The following TBC1D2B variants were observed in gnomAD, a reference collection of about 807,000 sequenced individuals.
TBC1D2B encodes TBC1 domain family member 2B, also known as TBC1 domain family, member 2B.
In TBC1D2B, 64 loss-of-function variants were observed where a neutral mutation model predicts 100.8. That is an observed-to-expected ratio of 0.64 (90% CI 0.52 to 0.78). The LOEUF is 0.78. Among genes scored for constraint, TBC1D2B ranks in the 30% least tolerant of loss-of-function variants. The pLI is 0.00. For synonymous variants in TBC1D2B, 480 were observed against 479.7 expected (o/e 1.00, Z -0.01); for missense variants, 1,052 against 1,218.4 (o/e 0.86, Z 2.03).
In TBC1D2B at chr15:77,998,041, G is replaced by A; in HGVS notation, c.*119C>T. On this transcript the variant is annotated 3_prime_UTR_variant, in exon 13 of 13. Transcript: ENST00000300584. ...AATGAGGAAGGGCAGCCTGGCTTGG[G>A]ACATCTGCCCAGCAGATCCCCAGAG... The A allele has an allele frequency of 2.0e-6, 2 of 1,016,420 alleles. No homozygotes were observed. The highest frequency in any genetic ancestry group is 2.8e-6 in the Non-Finnish European group (2 of 724,538). 63.0% of individuals were successfully genotyped at this position (1,016,420 alleles called of 1,614,324 possible).
chr15:78,035,605 G>A (rs991024211), intron 3 of TBC1D2B, among the ~76,000 whole-genome samples: 4 of 152,200 alleles, frequency 2.6e-5, no homozygotes, highest in African/African-American at 9.6e-5. Flanking sequence ...GCAGGGAGGA[G>A]GTTGTGTGGG....
At position 77,996,648 on chromosome 15, in the gene TBC1D2B, C is replaced by G. The variant is rs1230810468; in HGVS notation, c.*1512G>C. ...GTTGGTTAAAGACACGAAGCCGGAG[C>G]TCACTCTAGCATGTGCTGAAACACC... On this transcript the variant is annotated 3_prime_UTR_variant, in exon 13 of 13. Transcript: ENST00000300584. The G allele has an allele frequency of 6.6e-6, 1 of 152,260 alleles. No individual in the cohort carries two copies. Among genetic ancestry groups the G allele is most frequent in the Non-Finnish European group, 1.5e-5 (1 of 68,046 alleles). 9.4% of individuals were successfully genotyped at this position (152,260 alleles called of 1,614,324 possible).
At chr15:78,034,595 G>C (rs977607172) in intron 3 of TBC1D2B, 1 of 984,910 alleles carries the variant, frequency 1.0e-6, no homozygotes, top group Non-Finnish European at 1.2e-6. Context: ...AGTAATTTCA[G>C]TGACTTAGAA....
Position 78,077,637 on chromosome 15 carries a change from C to T in TBC1D2B, c.16G>A (p.Ala6Thr), listed in dbSNP as rs1227917741. 4.0e-6 allele frequency: 4 copies of T among 993,634 alleles called. No individual in the cohort carries two copies. Among genetic ancestry groups the T allele is most frequent in the East Asian group, 2.2e-4 (2 of 9,278 alleles). The allele number at this position is 993,634 out of a possible 1,614,324, so 61.6% of individuals were successfully genotyped here. Residue 6 changes from alanine (A) to threonine (T), a missense_variant, in exon 1 of 13, where the codon GCC (alanine) becomes ACC (threonine). This residue lies in a region of TBC1D2B where 627 missense variants were observed against 646.1 expected (regional missense o/e 0.97). Transcript: ENST00000300584. The part of the protein sequence containing the change: MPGAG[A>T]RAEEGGGGGE... ...CCGCCGCCGCCCTCCTCCGCCCGGGCTCCGGCCCCCGGCATCGCTACCGCG... is the reference window on the plus strand; with the variant it reads ...CCGCCGCCGCCCTCCTCCGCCCGGGTTCCGGCCCCCGGCATCGCTACCGCG...
At position 78,054,653 on chromosome 15, in the gene TBC1D2B, T is replaced by C. The variant is rs142335432; in HGVS notation, c.361-466A>G. Among the ~76,000 whole-genome samples the C allele has an allele frequency of 1.1e-4, 16 of 152,326 alleles. No homozygotes were observed. The East Asian group carries it at 2.7e-3, about 26-fold the overall frequency. On this transcript the variant is annotated intron_variant, in intron 1 of 12. Transcript: ENST00000300584. Reference sequence around the variant, plus strand: ...GATTAAAAACGAGCTGGCACTCCTATTAAAATGGCTAATATTTCAAAAAGT... The same window carrying C: ...GATTAAAAACGAGCTGGCACTCCTACTAAAATGGCTAATATTTCAAAAAGT...
chr15:78,020,838 G>A (rs186970768), intron 6 of TBC1D2B, among the ~76,000 whole-genome samples: 19 of 152,342 alleles, frequency 1.2e-4, no homozygotes, highest in African/African-American at 4.6e-4. Context: ...GCATAGATGA[G>A]CTGGAAGAAG....
At chr15:78,025,096 G>T (rs1243688603) in intron 5 of TBC1D2B, among the ~76,000 whole-genome samples, 163 bp downstream of exon 5, 1 of 152,186 alleles carries the variant, frequency 6.6e-6, no homozygotes, top group East Asian at 1.9e-4. Flanking sequence ...CAGCAGCTGT[G>T]CCTAGATGAC....
chr15:78,023,207 G>A (rs754285695), intron 6 of TBC1D2B, among the ~76,000 whole-genome samples: 65 of 152,106 alleles, frequency 4.3e-4, no homozygotes, highest in Non-Finnish European at 5.7e-4. Context: ...AAACACCCTC[G>A]GAGACACATT....
At chr15:78,053,735 G>C (rs2073362368) in intron 2 of TBC1D2B, 1 of 277,598 alleles carries the variant, frequency 3.6e-6, no homozygotes, top group African/African-American at 2.2e-5. Flanking sequence ...ATTAGGTGTA[G>C]TAGAAAGGCT....
chr15:78,015,233 A>C (rs907145598), intron 8 of TBC1D2B, among the ~76,000 whole-genome samples: 2 of 152,066 alleles, frequency 1.3e-5, no homozygotes, highest in African/African-American at 4.8e-5. Flanking sequence ...CAAAACAATA[A>C]AATAAAATAA....
intron 1 of TBC1D2B, among the ~76,000 whole-genome samples, chr15:78,063,180 A>G (rs2073584975): frequency 6.6e-6 from 1 of 152,094 alleles, no homozygotes. Context: ...TCGTGTATCA[A>G]CTGTCTATAT....
In TBC1D2B at chr15:78,001,645, G is replaced by A. The variant is rs951862447; in HGVS notation, c.2670C>T (p.Tyr890=). 1.9e-6 allele frequency: 3 copies of A among 1,609,134 alleles called. No homozygotes were observed. The highest frequency in any genetic ancestry group is 2.5e-6 in the Non-Finnish European group (3 of 1,177,792). The change falls in exon 12 of 13, where the codon TAC becomes TAT. Residue 890 remains tyrosine (Y), a synonymous_variant. Coordinates refer to ENST00000300584, the MANE Select transcript of TBC1D2B (RefSeq NM_144572.2). ...DSMSIFKYLR[Y]FTRTILDARK... ...TAGCATCAAGGATAGTGCGAGTGAAGTAGCGGAGATACTTAAATATAGACA... is the reference window on the plus strand; with the variant it reads ...TAGCATCAAGGATAGTGCGAGTGAAATAGCGGAGATACTTAAATATAGACA...
chr15:78,044,817 T>C (rs1325475219), intron 3 of TBC1D2B, 83 bp downstream of exon 3: 20 of 1,290,580 alleles, frequency 1.5e-5, no homozygotes, highest in Non-Finnish European at 1.9e-5. Flanking sequence ...AAGATAGTTT[T>C]ATAACTTCAT....
In TBC1D2B at chr15:78,024,375, C is replaced by T. The variant is rs747769790; in HGVS notation, c.1251G>A (p.Leu417=). The stretch of plus-strand genomic sequence containing the variant: ...CTTCCTGCTGAAGACTCTCCTTCTC[C>T]AAGCTGAACCTCTCCAGCTGGCTGG... ...GLTSQLERFS[L]EKESLQQEVR... The change falls in exon 6 of 13, where the codon TTG becomes TTA. Residue 417 remains leucine, a synonymous_variant. Transcript: ENST00000300584. 1.9e-6 allele frequency: 3 copies of T among 1,614,060 alleles called. No individual in the cohort carries two copies. The highest frequency in any genetic ancestry group is 1.1e-5 in the South Asian group (1 of 91,092).
chr15:78,016,525 A>G (rs1596310906), intron 8 of TBC1D2B, 21 bp downstream of exon 8: 1 of 1,609,406 alleles, frequency 6.2e-7, no homozygotes. Flanking sequence ...CACTACCCTC[A>G]ACAGTCACTA....
chr15:78,011,620 G>A (rs8030713), intron 9 of TBC1D2B, among the ~76,000 whole-genome samples: 30,171 of 144,582 alleles, frequency 0.21, 3,480 homozygotes, highest in East Asian at 0.35. Context: ...AGAGGCACAT[G>A]CCACCATGCC....
intron 6 of TBC1D2B, among the ~76,000 whole-genome samples, chr15:78,018,613 G>C (rs970260667): frequency 1.3e-5 from 2 of 152,154 alleles, no homozygotes; most frequent in Admixed American, 1.3e-4. Flanking sequence ...GTCTATAAAA[G>C]AACATAACAA....
At chr15:78,055,265 A>G (rs1021664302) in intron 1 of TBC1D2B, among the ~76,000 whole-genome samples, 1 of 152,026 alleles carries the variant, frequency 6.6e-6, no homozygotes, top group East Asian at 1.9e-4. Context: ...GATTCTACAC[A>G]TTTGTCCAAA....
At chr15:78,006,654 G>A (rs1212677201) in intron 10 of TBC1D2B, among the ~76,000 whole-genome samples, 1 of 152,182 alleles carries the variant, frequency 6.6e-6, no homozygotes. Flanking sequence ...GCCCCTCATC[G>A]GTGGCACCTC....
Sources: allele counts gnomAD v4.1 joint callset (sites outside exome capture counted in the v4.1 genomes callset), GRCh38; gene constraint gnomAD v4.1.1; regional missense constraint gnomAD v4.1.1; transcripts MANE v1.5; gene names NCBI Gene and HGNC (gene_info 2026-07-23, HGNC 2026-07-21).